PNPLA6: variants seen among roughly 807,000 people sequenced by gnomAD.
PNPLA6 encodes the protein patatin like domain 6, lysophospholipase.
PNPLA6 carries 105 observed loss-of-function variants against 153.7 expected under a neutral mutation model. The observed-to-expected ratio is 0.68, with a 90% CI of 0.58 to 0.80. The LOEUF (loss-of-function observed/expected upper bound fraction) is 0.80. PNPLA6 is among the 30% of genes least tolerant of loss of function. The pLI is 0.00. For missense variants in PNPLA6, 1,423 were observed against 1,919.3 expected (o/e 0.74, Z 4.83); for synonymous variants, 825 against 822.2 (o/e 1.00, Z -0.06).
intron 16 of PNPLA6, 158 bp from the exon 17 acceptor site, chr19:7,550,836 C>A: frequency 1.1e-6 from 1 of 904,424 alleles, no homozygotes; most frequent in Non-Finnish European, 1.7e-6. Context: ...CTGTCCTCTC[C>A]CTCTCCCCAG....
rs761312306 is a variant in PNPLA6, at chr19:7,536,200, C to T, written c.242C>T (p.Ala81Val). 11 of 1,612,378 alleles carry T rather than the reference C, an allele frequency of 6.8e-6. No individual in the cohort carries two copies. Among genetic ancestry groups the T allele is most frequent in the Admixed American group, 1.7e-5 (1 of 59,990 alleles). ...VRRLRVPKTPAPDGPRYRFRK... is the reference protein window; with the variant it reads ...VRRLRVPKTPVPDGPRYRFRK... Reference sequence around the variant, plus strand: ...CCCCACCTATCCCCAGAAACCCCAGCCCCGGATGGCCCCCGGTATCGGTTC... The same window carrying T: ...CCCCACCTATCCCCAGAAACCCCAGTCCCGGATGGCCCCCGGTATCGGTTC... Residue 81 changes from alanine (A) to valine (V), a missense_variant, in exon 2 of 32, where the codon GCC becomes GTC. Ala to Val is a moderately conservative substitution (Grantham distance 64). Around this residue, in one of 10 missense-constraint regions of PNPLA6, gnomAD observed 74 missense variants for 171.3 expected, o/e 0.43. Transcript: ENST00000600737.
chr19:7,552,494 G>A lies in PNPLA6; in HGVS notation c.2260+1057G>A, dbSNP rs191168514. Among the ~76,000 whole-genome samples, 393 of 152,292 alleles carry A rather than the reference G, an allele frequency of 2.6e-3. 1 individual carries two copies. The highest frequency in any genetic ancestry group is 9.0e-3 in the African/African-American group (376 of 41,570). On this transcript the variant is annotated intron_variant, in intron 18 of 31. Transcript: ENST00000600737. ...ACAGAGGCCTGGGGCGGTGGGTCAC[G>A]CCTGTAATCTCAGCACTTTGTGAGG...
chr19:7,561,764 A>G lies in PNPLA6; in HGVS notation c.*202A>G. ...CCCCCAATAAACTCGCCTCTTGGAA[A>G]TGGCTTCCTGTCGTTTTCGGACTGG... On this transcript the variant is annotated 3_prime_UTR_variant, in exon 32 of 32. Transcript: ENST00000600737. The G allele has an allele frequency of 4.3e-6, 3 of 699,568 alleles. No individual in the cohort carries two copies. The highest frequency in any genetic ancestry group is 7.8e-6 in the Non-Finnish European group (3 of 383,428). The allele number at this position is 699,568 out of a possible 1,614,324, so 43.3% of individuals were successfully genotyped here. A position where few individuals can be genotyped will look rare whatever the true frequency, so the allele number is the denominator to read the frequency against.
Position 7,554,007 on chromosome 19 carries a change from A to G in PNPLA6, c.2393A>G (p.Gln798Arg). 2 of 1,404,482 alleles carry G rather than the reference A, an allele frequency of 1.4e-6. No homozygotes were observed. The highest frequency in any genetic ancestry group is 1.9e-6 in the Non-Finnish European group (2 of 1,049,024). 87.0% of individuals were successfully genotyped at this position (1,404,482 alleles called of 1,614,324 possible). A position where few individuals can be genotyped will look rare whatever the true frequency, so the allele number is the denominator to read the frequency against. Reference sequence around the variant, plus strand: ...ACGCTGGAGCTGCAGCACGCCCTGCAGGCCATCGGTCAGTGGGGTGAGGGT... The same window carrying G: ...ACGCTGGAGCTGCAGCACGCCCTGCGGGCCATCGGTCAGTGGGGTGAGGGT... ...AFTLELQHAL[Q>R]AIGPTLLLNS... Residue 798 changes from glutamine (Q) to arginine (R), a missense_variant, in exon 19 of 32, where the codon CAG (glutamine) becomes CGG (arginine). Gln to Arg is a conservative substitution (Grantham distance 43). Transcript: ENST00000600737.
intron 29 of PNPLA6, 35 bp from the exon 30 acceptor site, chr19:7,560,979 C>T (rs1384870631): frequency 3.6e-6 from 5 of 1,380,510 alleles, no homozygotes; most frequent in East Asian, 5.1e-5. Context: ...ACTCTGTGGG[C>T]CCCCCCTAAG....
In PNPLA6 at chr19:7,543,058, A is replaced by G. The variant is rs1242279082; in HGVS notation, c.1582A>G (p.Thr528Ala). The change falls in exon 13 of 32, where the codon ACC (threonine) becomes GCC (alanine). Residue 528 changes from threonine to alanine, a missense_variant. Around this residue, in one of 10 missense-constraint regions of PNPLA6, gnomAD observed 119 missense variants for 163.7 expected, o/e 0.73. Transcript: ENST00000600737. ...RVLLHHAKAGTIIARQGDQDV... is the reference protein window; with the variant it reads ...RVLLHHAKAGAIIARQGDQDV... ...CTTGCTGCACCACGCCAAAGCTGGC[A>G]CCATCATTGCCCGCCAGGGAGACCA... 6.2e-7 allele frequency: 1 copy of G among 1,613,744 alleles called. No homozygotes were observed. The highest frequency in any genetic ancestry group is 8.5e-7 in the Non-Finnish European group (1 of 1,179,976).
Position 7,540,974 on chromosome 19 carries a change from ACGGTGCTGCGCCTGC to A in PNPLA6, c.853_867del (p.Leu285_Val289del). On this transcript the variant is annotated inframe_deletion, in exon 7 of 32. Coordinates refer to ENST00000600737, the MANE Select transcript of PNPLA6 (RefSeq NM_001166114.2). This position sits in a 1 kb window ranked among gnomAD's most constrained non-coding sequence, Gnocchi z 6.8. ...GTCTGCCCGGGCGGCCCGGGACTCC[ACGGTGCTGCGCCTGC>A]CGGTGGAAGCATTCTCCGCGGTCTT... 1 of 1,610,814 alleles carries A rather than the reference ACGGTGCTGCGCCTGC, an allele frequency of 6.2e-7. No individual in the cohort carries two copies. The highest frequency in any genetic ancestry group is 8.5e-7 in the Non-Finnish European group (1 of 1,179,286).
Position 7,555,356 on chromosome 19 carries a change from G to C in PNPLA6, c.2925G>C (p.Gly975=), listed in dbSNP as rs1369322927. The C allele has an allele frequency of 6.4e-7, 1 of 1,553,134 alleles. No individual in the cohort carries two copies. Residue 975 remains glycine, a synonymous_variant, in exon 23 of 32, where the codon GGG becomes GGC. Transcript: ENST00000600737. This position sits in a 1 kb window ranked among gnomAD's most constrained non-coding sequence, Gnocchi z 6.3. The part of the protein sequence containing the change: ...TGNTIALVLG[G]GGARGCSHIG... ...ACACCATTGCCCTTGTGCTAGGCGGGGGCGGGGCCAGGTGAGGGCGGGGCT... is the reference window on the plus strand; with the variant it reads ...ACACCATTGCCCTTGTGCTAGGCGGCGGCGGGGCCAGGTGAGGGCGGGGCT...
chr19:7,551,294 AG>A, intron 17 of PNPLA6, 67 bp from the exon 18 acceptor site: 5 of 1,481,682 alleles, frequency 3.4e-6, no homozygotes, highest in Non-Finnish European at 4.7e-6. Flanking sequence ...CCGGCATAGG[AG>A]GGAGAGGTGG....
chr19:7,535,631 T>C, upstream of PNPLA6: 1 of 1,577,582 alleles, frequency 6.3e-7, no homozygotes, highest in Admixed American at 1.8e-5. This position sits in a 1 kb window ranked among gnomAD's most constrained non-coding sequence, Gnocchi z 5.0. Context: ...CCAAGAGGAC[T>C]ACAACTCCCG....
chr19:7,550,628 C>A lies in PNPLA6; in HGVS notation c.2058C>A (p.Asp686Glu). ...KELVGEYGRG[D>E]LIGVVEALTR... ...TGGTGGGCGAGTACGGCCGCGGCGACCTCATCGGCGTGGTGAGCGCGACCC... is the reference window on the plus strand; with the variant it reads ...TGGTGGGCGAGTACGGCCGCGGCGAACTCATCGGCGTGGTGAGCGCGACCC... The change falls in exon 16 of 32, where the codon GAC (aspartate) becomes GAA (glutamate). Residue 686 changes from aspartate (D) to glutamate (E), a missense_variant. Asp to Glu is a conservative substitution (Grantham distance 45). Around this residue, in one of 10 missense-constraint regions of PNPLA6, gnomAD observed 63 missense variants for 166.2 expected, o/e 0.38. Transcript: ENST00000600737. 6.2e-7 allele frequency: 1 copy of A among 1,611,330 alleles called. No homozygotes were observed.
At position 7,535,734 on chromosome 19, in the gene PNPLA6, G is replaced by T. The variant is rs183926824; in HGVS notation, c.-55G>T. 2.4e-4 allele frequency: 361 copies of T among 1,519,104 alleles called. 1 individual carries two copies. In the African/African-American group the frequency reaches 4.4e-3, roughly 19 times the overall value. The allele number at this position is 1,519,104 out of a possible 1,614,324, so 94.1% of individuals were successfully genotyped here. A position where few individuals can be genotyped will look rare whatever the true frequency, so the allele number is the denominator to read the frequency against. Reference sequence around the variant, plus strand: ...CCCGGCATGCACTGCGGGCCGCCGGGCCTCAGGGAAGAGTCGCGCCCCCGG... The same window carrying T: ...CCCGGCATGCACTGCGGGCCGCCGGTCCTCAGGGAAGAGTCGCGCCCCCGG... On this transcript the variant is annotated 5_prime_UTR_variant, in exon 1 of 32. Transcript: ENST00000600737. This position sits in a 1 kb window ranked among gnomAD's most constrained non-coding sequence, Gnocchi z 5.0.
At position 7,540,104 on chromosome 19, in the gene PNPLA6, G is replaced by T. The variant is rs753050856; in HGVS notation, c.555-45G>T. On this transcript the variant is annotated intron_variant, in intron 4 of 31. Transcript: ENST00000600737. The surrounding 1 kb of genome is among the most constrained non-coding windows in gnomAD (Gnocchi z 6.8). ...GGGGGTGGAGGGCTGCAGACGTGGG[G>T]CCGCCCTGACCTCCAGCCTCTGTCG... 2.5e-6 allele frequency: 4 copies of T among 1,613,708 alleles called. No homozygotes were observed. Among genetic ancestry groups the T allele is most frequent in the Non-Finnish European group, 3.4e-6 (4 of 1,179,994 alleles).
rs749542917 is a variant in PNPLA6 at position 7,554,027 on chromosome 19, G to A, written c.2401+12G>A. The A allele has an allele frequency of 4.4e-6, 7 of 1,606,580 alleles. No individual in the cohort carries two copies. The highest frequency in any genetic ancestry group is 2.2e-5 in the East Asian group (1 of 44,772). ...CCTGCAGGCCATCGGTCAGTGGGGT[G>A]AGGGTCATGGGTGGGGGCTGGCGGT... On this transcript the variant is annotated intron_variant, in intron 19 of 31. Transcript: ENST00000600737.
chr19:7,559,343 G>A (rs1038797101), intron 28 of PNPLA6, among the ~76,000 whole-genome samples, 192 bp downstream of exon 28: 2 of 152,166 alleles, frequency 1.3e-5, no homozygotes, highest in Non-Finnish European at 2.9e-5. Flanking sequence ...CTGTGCATGT[G>A]CTGTGTAAGA....
chr19:7,541,490 A>G lies in PNPLA6; in HGVS notation c.1006-32A>G. On this transcript the variant is annotated intron_variant, in intron 8 of 31. Coordinates refer to ENST00000600737, the MANE Select transcript of PNPLA6 (RefSeq NM_001166114.2). The surrounding 1 kb of genome is among the most constrained non-coding windows in gnomAD (Gnocchi z 5.2). Reference sequence around the variant, plus strand: ...GGGATGGGGGCGAGGTCTCCCTCCCAGGACAGGCCACAAGCTGTTCTCTGC... The same window carrying G: ...GGGATGGGGGCGAGGTCTCCCTCCCGGGACAGGCCACAAGCTGTTCTCTGC... 1 of 1,612,242 alleles carries G rather than the reference A, an allele frequency of 6.2e-7. No homozygotes were observed. The highest frequency in any genetic ancestry group is 2.2e-5 in the East Asian group (1 of 44,814).
At chr19:7,557,066 C>T (rs931185876) in intron 26 of PNPLA6, 102 bp from the exon 27 acceptor site, 9 of 925,702 alleles carry the variant, frequency 9.7e-6, no homozygotes, top group African/African-American at 4.8e-5. Flanking sequence ...ACGGGTGCTA[C>T]GTTAACAACG....
chr19:7,544,525 A>G (rs1054995632), intron 13 of PNPLA6, among the ~76,000 whole-genome samples: 7 of 152,180 alleles, frequency 4.6e-5, no homozygotes, highest in Non-Finnish European at 8.8e-5. Flanking sequence ...CATACAGTCC[A>G]TTATCCACAG....
At chr19:7,556,986 CG>C (rs1295023798) in intron 26 of PNPLA6, 181 bp from the exon 27 acceptor site, 15 of 731,470 alleles carry the variant, frequency 2.1e-5, no homozygotes, top group Admixed American at 9.6e-5. Flanking sequence ...GCGTTACGTC[CG>C]GGCCAGCGCC....
Sources: gnomAD v4.1 joint callset for allele counts (sites outside exome capture counted in the v4.1 genomes callset) on GRCh38, gnomAD v4.1.1 for gene constraint, gnomAD v4.1.1 regional missense constraint, Gnocchi (gnomAD v3.1) non-coding constraint, MANE v1.5 for transcripts, NCBI Gene and HGNC (gene_info 2026-07-23, HGNC 2026-07-21) for gene names.